GIMAP8: variants seen among roughly 807,000 people sequenced by gnomAD.
The protein encoded by GIMAP8 is GTPase, IMAP family member 8.
Under a neutral mutation model 35.6 loss-of-function variants are expected in GIMAP8, and 29 were observed. The observed-to-expected ratio is 0.81, with a 90% confidence interval of 0.61 to 1.11. The LOEUF (loss-of-function observed/expected upper bound fraction) is 1.11. GIMAP8 is among the 50% of genes most tolerant of loss of function. GIMAP8 has a pLI of 0.00. For synonymous variants in GIMAP8, 335 were observed against 308.7 expected (o/e 1.09, Z -0.89); for missense variants, 811 against 805.0 (o/e 1.01, Z -0.09).
In GIMAP8 at chr7:150,451,420, C is replaced by G. The variant is rs994815281; in HGVS notation, c.-29+245C>G. 2.0e-5 allele frequency among the ~76,000 whole-genome samples: 3 copies of G among 152,176 alleles called. No individual in the cohort carries two copies. In the East Asian group the frequency reaches 5.8e-4, roughly 29 times the overall value. ...AATGGCAGAGTTGAATGGCAGGGGCCCTGGGAAGCTTTCCTCCTGGTCCAA... is the reference window on the plus strand; with the variant it reads ...AATGGCAGAGTTGAATGGCAGGGGCGCTGGGAAGCTTTCCTCCTGGTCCAA... On this transcript the variant is annotated intron_variant, in intron 1 of 4. Coordinates refer to ENST00000307271, the MANE Select transcript of GIMAP8 (RefSeq NM_175571.4). The surrounding 1 kb of genome is among the most constrained non-coding windows in gnomAD (Gnocchi z 4.1).
chr7:150,478,620 C>T lies in GIMAP8; in HGVS notation c.*840C>T, dbSNP rs1303396555. The T allele has an allele frequency of 6.6e-6, 1 of 152,048 alleles. No homozygotes were observed. Among genetic ancestry groups the T allele is most frequent in the Non-Finnish European group, 1.5e-5 (1 of 67,998 alleles). The allele number at this position is 152,048 out of a possible 1,614,324, so 9.4% of individuals were successfully genotyped here. ...GCGTTTCTCTTTCTCCTTCTCTTTCCCTTGAGGTTAGGAAACAGGTTAAAA... is the reference window on the plus strand; with the variant it reads ...GCGTTTCTCTTTCTCCTTCTCTTTCTCTTGAGGTTAGGAAACAGGTTAAAA... On this transcript the variant is annotated 3_prime_UTR_variant, in exon 5 of 5. Transcript: ENST00000307271.
chr7:150,456,531 T>C (rs956934883), intron 1 of GIMAP8, among the ~76,000 whole-genome samples: 1 of 152,180 alleles, frequency 6.6e-6, no homozygotes, highest in African/African-American at 2.4e-5. Flanking sequence ...AGGACCCTCC[T>C]ACAGACCACT....
At chr7:150,452,709 T>TATATATATATATATATATATAC (rs1373884339) in intron 1 of GIMAP8, among the ~76,000 whole-genome samples, 3 of 106,616 alleles carry the variant, frequency 2.8e-5, no homozygotes, top group East Asian at 4.0e-4. Flanking sequence ...TATATATATA[T>TATATATATATATATATATATAC]ACATGCGAGT....
chr7:150,465,423 T>C (rs570018680), intron 1 of GIMAP8, among the ~76,000 whole-genome samples: 3 of 152,192 alleles, frequency 2.0e-5, no homozygotes, highest in Non-Finnish European at 4.4e-5. Context: ...AGGGAAAACC[T>C]GTGATTATGG....
At position 150,477,126 on chromosome 7, in the gene GIMAP8, G is replaced by C. The variant is rs745684371; in HGVS notation, c.1344G>C (p.Gly448=). Residue 448 remains glycine, a synonymous_variant, in exon 5 of 5, where the codon GGG becomes GGC. Coordinates refer to ENST00000307271, the MANE Select transcript of GIMAP8 (RefSeq NM_175571.4). ...ACATTGTCCTTGTGGGGAGAAGCGGGACTGGGAAGAGTGCGACCGGGAACT... is the reference window on the plus strand; with the variant it reads ...ACATTGTCCTTGTGGGGAGAAGCGGCACTGGGAAGAGTGCGACCGGGAACT... ...TLNIVLVGRS[G]TGKSATGNSI... The C allele has an allele frequency of 3.7e-6, 6 of 1,611,108 alleles. No individual in the cohort carries two copies. The highest frequency in any genetic ancestry group is 4.2e-6 in the Non-Finnish European group (5 of 1,177,482).
At chr7:150,465,717 A>C (rs1801941426) in intron 1 of GIMAP8, among the ~76,000 whole-genome samples, 2 of 152,338 alleles carry the variant, frequency 1.3e-5, no homozygotes, top group South Asian at 4.1e-4. Context: ...AGAGCTTGGC[A>C]CATTAGCTCA....
At position 150,451,466 on chromosome 7, in the gene GIMAP8, T is replaced by C. The variant is rs1801606269; in HGVS notation, c.-29+291T>C. On this transcript the variant is annotated intron_variant, in intron 1 of 4. Coordinates refer to ENST00000307271, the MANE Select transcript of GIMAP8 (RefSeq NM_175571.4). This position sits in a 1 kb window ranked among gnomAD's most constrained non-coding sequence, Gnocchi z 4.1. ...TCCAAAGCGTGTCTCCCCAGCCTGC[T>C]GGGGAGTAGATTCGGCAGGATGGGG... Among the ~76,000 whole-genome samples the C allele has an allele frequency of 6.6e-6, 1 of 152,084 alleles. No homozygotes were observed. Among genetic ancestry groups the C allele is most frequent in the Non-Finnish European group, 1.5e-5 (1 of 68,016 alleles).
rs531389554 is a variant in GIMAP8 at position 150,479,380 on chromosome 7, T to A, written c.*1600T>A. ...AGTTGAATCAAATAATAAAGATGAA[T>A]CATTATGAATTCACATTCTCTTTCT... On this transcript the variant is annotated 3_prime_UTR_variant, in exon 5 of 5. Transcript: ENST00000307271. 2 of 152,294 alleles carry A rather than the reference T, an allele frequency of 1.3e-5. No individual in the cohort carries two copies. Among genetic ancestry groups the A allele is most frequent in the South Asian group, 4.1e-4 (2 of 4,824 alleles). The allele number at this position is 152,294 out of a possible 1,614,324, so 9.4% of individuals were successfully genotyped here. A position where few individuals can be genotyped will look rare whatever the true frequency, so the allele number is the denominator to read the frequency against.
intron 1 of GIMAP8, among the ~76,000 whole-genome samples, chr7:150,456,734 A>C (rs959757305): frequency 2.0e-5 from 3 of 152,226 alleles, no homozygotes; most frequent in African/African-American, 7.2e-5. Flanking sequence ...GCGATGTGTA[A>C]AAGAGAAGGG....
intron 1 of GIMAP8, among the ~76,000 whole-genome samples, chr7:150,464,493 G>A (rs775860091): frequency 7.9e-5 from 12 of 152,154 alleles, no homozygotes; most frequent in Non-Finnish European, 1.8e-4. Flanking sequence ...ACCCACCTGG[G>A]CAACATAGAG....
Position 150,455,053 on chromosome 7 carries a change from G to A in GIMAP8, c.-29+3878G>A, listed in dbSNP as rs867939868. On this transcript the variant is annotated intron_variant, in intron 1 of 4. Coordinates refer to ENST00000307271, the MANE Select transcript of GIMAP8 (RefSeq NM_175571.4). ...CTCGGGAGGCTGAGGCAGGAGAATC[G>A]CTTGAACCCGGGAGATAGAGGTTGC... Among the ~76,000 whole-genome samples, 24 of 151,224 alleles carry A rather than the reference G, an allele frequency of 1.6e-4. 1 individual carries two copies. The Middle Eastern group carries it at 0.01, about 64-fold the overall frequency.
chr7:150,461,015 T>G (rs2116594622), intron 1 of GIMAP8, among the ~76,000 whole-genome samples: 1 of 152,324 alleles, frequency 6.6e-6, no homozygotes, highest in African/African-American at 2.4e-5. Context: ...ATCTTTAGGG[T>G]TTGTACTGTG....
chr7:150,470,770 A>ATTTTTTTTTTTTTTTTTTT (rs1357852628), intron 2 of GIMAP8, 59 bp from the exon 3 acceptor site: 1 of 224,044 alleles, frequency 4.5e-6, no homozygotes, highest in Non-Finnish European at 7.8e-6. Flanking sequence ...TTTTTTTTTC[A>ATTTTTTTTTTTTTTTTTTT]GTTTGTGGAA....
In GIMAP8 at chr7:150,474,191, T is replaced by A; in HGVS notation, c.862T>A (p.Ser288Thr). The A allele has an allele frequency of 1.2e-6, 2 of 1,614,154 alleles. No homozygotes were observed. Among genetic ancestry groups the A allele is most frequent in the South Asian group, 1.1e-5 (1 of 91,080 alleles). Residue 288 changes from serine (S) to threonine (T), a missense_variant, in exon 4 of 5, where the codon TCT becomes ACT. Physicochemically the swap from Ser to Thr is moderately conservative, Grantham distance 58. Transcript: ENST00000307271. ...GCAGTCAGTAACCCAGAGCTTCTTG[T>A]CTGAGAGCAGAAGCTGGAGAAAAAA... ...SEQSVTQSFL[S>T]ESRSWRKKKV...
At position 150,466,693 on chromosome 7, in the gene GIMAP8, G is replaced by A. The variant is rs1801964493; in HGVS notation, c.-6G>A. On this transcript the variant is annotated 5_prime_UTR_variant, in exon 2 of 5. Transcript: ENST00000307271. ...CAGAACAAGCGGGAGCCTGTGTCAGGAAAGCATGTCAGAGCAGAGCTGCCA... is the reference window on the plus strand; with the variant it reads ...CAGAACAAGCGGGAGCCTGTGTCAGAAAAGCATGTCAGAGCAGAGCTGCCA... 1 of 1,612,810 alleles carries A rather than the reference G, an allele frequency of 6.2e-7. No individual in the cohort carries two copies. Among genetic ancestry groups the A allele is most frequent in the African/African-American group, 1.3e-5 (1 of 74,918 alleles).
chr7:150,473,123 C>T lies in GIMAP8; in HGVS notation c.683-889C>T, dbSNP rs142861591. On this transcript the variant is annotated intron_variant, in intron 3 of 4. Transcript: ENST00000307271. ...CAACTTGCTGCTCAGACCCTTCCCA[C>T]GAAGGCTGTTGATGACTCAGCCTCA... Among the ~76,000 whole-genome samples, 470 of 152,304 alleles carry T rather than the reference C, an allele frequency of 3.1e-3. 2 individuals are homozygous for T. The highest frequency in any genetic ancestry group is 0.01 in the African/African-American group (435 of 41,560).
chr7:150,466,989 G>T lies in GIMAP8; in HGVS notation c.291G>T (p.Leu97=). ...TCTCTGCTCCCAGCCTCCATGCTCTGCTCTTGGTAATTGCCATCGGCCATT... is the reference window on the plus strand; with the variant it reads ...TCTCTGCTCCCAGCCTCCATGCTCTTCTCTTGGTAATTGCCATCGGCCATT... ...LELSAPSLHA[L]LLVIAIGHFT... The change falls in exon 2 of 5, where the codon CTG becomes CTT. Residue 97 remains leucine, a synonymous_variant. Transcript: ENST00000307271. 6.2e-7 allele frequency: 1 copy of T among 1,614,222 alleles called. No individual in the cohort carries two copies. The highest frequency in any genetic ancestry group is 8.5e-7 in the Non-Finnish European group (1 of 1,180,034).
At chr7:150,466,643 A>G in intron 1 of GIMAP8, 28 bp from the exon 2 acceptor site, 2 of 1,572,550 alleles carry the variant, frequency 1.3e-6, no homozygotes, top group East Asian at 4.5e-5. Context: ...GGAGTTGAAC[A>G]TTAATGTGTT....
chr7:150,477,764 T>C lies in GIMAP8; in HGVS notation c.1982T>C (p.Ile661Thr). ...GCCGAAAAACTCCTTAAAAATTTAATAGGTATTTTACAATAGGTAGCCGAA... is the reference window on the plus strand; with the variant it reads ...GCCGAAAAACTCCTTAAAAATTTAACAGGTATTTTACAATAGGTAGCCGAA... ...SQAEKLLKNL[I>T]GILQ The change falls in exon 5 of 5, where the codon ATA becomes ACA. Residue 661 changes from isoleucine to threonine, a missense_variant. Ile to Thr is a moderately conservative substitution (Grantham distance 89). Transcript: ENST00000307271. 6.2e-7 allele frequency: 1 copy of C among 1,612,928 alleles called. No homozygotes were observed. Among genetic ancestry groups the C allele is most frequent in the Non-Finnish European group, 8.5e-7 (1 of 1,179,640 alleles).
Sources: gnomAD v4.1 joint callset for allele counts (sites outside exome capture counted in the v4.1 genomes callset) on GRCh38, gnomAD v4.1.1 for gene constraint, Gnocchi (gnomAD v3.1) non-coding constraint, MANE v1.5 for transcripts, NCBI Gene and HGNC (gene_info 2026-07-23, HGNC 2026-07-21) for gene names.